Variants in HS3ST4 observed in about 807,000 individuals in gnomAD.
The protein encoded by HS3ST4 is heparan sulfate-glucosamine 3-sulfotransferase 4, also known as heparan sulfate glucosamine 3-O-sulfotransferase 4.
In HS3ST4, 17 loss-of-function variants were observed where a neutral mutation model predicts 29.2. The observed-to-expected ratio is 0.58, with a 90% CI of 0.40 to 0.87. The LOEUF is 0.87. Among genes scored for constraint, HS3ST4 ranks in the 40% least tolerant of loss-of-function variants. The probability of loss-of-function intolerance (pLI) is 0.00; values close to 1 mark genes in which losing one functional copy is unlikely to be tolerated. For synonymous variants in HS3ST4, 314 were observed against 285.7 expected (o/e 1.10, Z -1.00); for missense variants, 627 against 634.5 (o/e 0.99, Z 0.13).
chr16:26,109,506 T>G (rs1011682734), intron 1 of HS3ST4, among the ~76,000 whole-genome samples: 4 of 151,514 alleles, frequency 2.6e-5, no homozygotes, highest in Non-Finnish European at 5.9e-5. Flanking sequence ...TGACAGTGTA[T>G]CAAGGACCTG....
At chr16:25,701,222 T>G (rs1371996188) in intron 1 of HS3ST4, among the ~76,000 whole-genome samples, 1 of 152,222 alleles carries the variant, frequency 6.6e-6, no homozygotes, top group Non-Finnish European at 1.5e-5. Flanking sequence ...TTAATCTTTT[T>G]GGAAACAGTT....
chr16:25,929,107 G>A (rs552515867), intron 1 of HS3ST4, among the ~76,000 whole-genome samples: 15 of 152,300 alleles, frequency 9.8e-5, no homozygotes, highest in African/African-American at 2.9e-4. Context: ...CAGGTGGACC[G>A]GCGTGGGGGC....
intron 1 of HS3ST4, among the ~76,000 whole-genome samples, chr16:25,833,894 T>C (rs138314407): frequency 2.0e-5 from 3 of 152,292 alleles, no homozygotes; most frequent in African/African-American, 7.2e-5. Context: ...ATAAGAATGT[T>C]GTAGGAGAAT....
chr16:26,074,361 G>A (rs1898635637), intron 1 of HS3ST4, among the ~76,000 whole-genome samples: 1 of 152,292 alleles, frequency 6.6e-6, no homozygotes, highest in South Asian at 2.1e-4. Flanking sequence ...AAACTAGGCA[G>A]GGACCTTGTG....
intron 1 of HS3ST4, among the ~76,000 whole-genome samples, chr16:26,049,358 C>T (rs140125161): frequency 1.0e-4 from 15 of 150,458 alleles, no homozygotes; most frequent in African/African-American, 3.4e-4. Context: ...GGTCTACATC[C>T]GGAGGTCTAC....
At chr16:26,123,477 T>G (rs904856734) in intron 1 of HS3ST4, among the ~76,000 whole-genome samples, 1 of 152,200 alleles carries the variant, frequency 6.6e-6, no homozygotes, top group Non-Finnish European at 1.5e-5. Flanking sequence ...TCCTAAGAGA[T>G]AACGAGAGAC....
At chr16:25,909,050 G>C (rs1968208793) in intron 1 of HS3ST4, among the ~76,000 whole-genome samples, 1 of 152,166 alleles carries the variant, frequency 6.6e-6, no homozygotes, top group African/African-American at 2.4e-5. Flanking sequence ...ATTCTGCCCT[G>C]GTCAGGATTT....
chr16:26,120,052 A>AGTGTGT (rs35643541), intron 1 of HS3ST4, among the ~76,000 whole-genome samples: 1,840 of 131,488 alleles, frequency 0.014, 31 homozygotes, highest in African/African-American at 0.042. Flanking sequence ...AGCTGAAGGA[A>AGTGTGT]GTGTGTGTGT....
At chr16:25,971,170 C>A (rs1021921126) in intron 1 of HS3ST4, among the ~76,000 whole-genome samples, 1 of 152,080 alleles carries the variant, frequency 6.6e-6, no homozygotes, top group Non-Finnish European at 1.5e-5. Flanking sequence ...CTTTCTATGA[C>A]AAACAATCCC....
intron 1 of HS3ST4, among the ~76,000 whole-genome samples, chr16:25,780,189 C>G (rs1312393850): frequency 1.3e-5 from 2 of 152,148 alleles, no homozygotes; most frequent in Non-Finnish European, 2.9e-5. Context: ...GCCTCTGGGC[C>G]CTGGCTCTTG....
In HS3ST4 at chr16:26,136,147, G is replaced by A; in HGVS notation, c.1270G>A (p.Val424Ile). 1 of 1,613,376 alleles carries A rather than the reference G, an allele frequency of 6.2e-7. No homozygotes were observed. The highest frequency in any genetic ancestry group is 1.1e-5 in the South Asian group (1 of 90,936). ...GRTHPRIDPD[V>I]IHRLRKFYKP... ...GACTCATCCTCGCATTGACCCAGAT[G>A]TCATCCACAGACTGAGGAAATTCTA... The change falls in exon 2 of 2, where the codon GTC becomes ATC. Residue 424 changes from valine (V) to isoleucine (I), a missense_variant. Val to Ile is a conservative substitution (Grantham distance 29, BLOSUM62 3). Transcript: ENST00000331351.
At chr16:26,077,079 GC>G (rs1431311500) in intron 1 of HS3ST4, among the ~76,000 whole-genome samples, 2 of 152,146 alleles carry the variant, frequency 1.3e-5, no homozygotes, top group Non-Finnish European at 2.9e-5. Flanking sequence ...GTTCATTCAT[GC>G]AGCTGCAGTC....
intron 1 of HS3ST4, among the ~76,000 whole-genome samples, chr16:25,728,406 CTTA>C (rs1966550913): frequency 6.6e-6 from 1 of 152,160 alleles, no homozygotes; most frequent in African/African-American, 2.4e-5. Flanking sequence ...CTTCTCTGTG[CTTA>C]TTATTTTGAT....
intron 1 of HS3ST4, among the ~76,000 whole-genome samples, chr16:25,857,624 T>A (rs1967586637): frequency 6.6e-6 from 1 of 152,324 alleles, no homozygotes; most frequent in East Asian, 1.9e-4. Flanking sequence ...TTTTTAGTTT[T>A]AGGGCTTTCT....
chr16:25,958,438 T>G lies in HS3ST4; in HGVS notation c.735-177174T>G, dbSNP rs532708458. Among the ~76,000 whole-genome samples, 227 of 152,182 alleles carry G rather than the reference T, an allele frequency of 1.5e-3. 1 individual carries two copies. The highest frequency in any genetic ancestry group is 2.7e-3 in the Non-Finnish European group (183 of 68,002). On this transcript the variant is annotated intron_variant, in intron 1 of 1. Transcript: ENST00000331351. The stretch of plus-strand genomic sequence containing the variant: ...CCTCTGCCTCCTGAATTCAAGTGAT[T>G]CTCCACCTCAGCCTCCCGAGTAGCT...
intron 1 of HS3ST4, among the ~76,000 whole-genome samples, chr16:25,839,946 G>A (rs758541472): frequency 1.3e-5 from 2 of 152,184 alleles, no homozygotes; most frequent in Admixed American, 6.6e-5. Context: ...GAAAGTATAG[G>A]CCGAGAAGAA....
At chr16:25,723,617 G>T (rs1966511252) in intron 1 of HS3ST4, among the ~76,000 whole-genome samples, 1 of 152,104 alleles carries the variant, frequency 6.6e-6, no homozygotes, top group African/African-American at 2.4e-5. Flanking sequence ...CTGAAAGAAT[G>T]GATTTGTCCA....
At chr16:25,857,923 T>C (rs12935842) in intron 1 of HS3ST4, among the ~76,000 whole-genome samples, 1,064 of 27,060 alleles carry the variant, frequency 0.039, 6 homozygotes, top group Non-Finnish European at 0.043. Flanking sequence ...TTCCTTCCTT[T>C]CTTTCTTTCT....
chr16:25,978,979 C>A (rs1567286042), intron 1 of HS3ST4, among the ~76,000 whole-genome samples: 3 of 141,692 alleles, frequency 2.1e-5, no homozygotes, highest in Admixed American at 7.6e-5. Flanking sequence ...CTCTCTGCAA[C>A]CTCCACCTCC....
Sources: allele counts gnomAD v4.1 joint callset (sites outside exome capture counted in the v4.1 genomes callset), GRCh38; gene constraint gnomAD v4.1.1; transcripts MANE v1.5; gene names NCBI Gene and HGNC (gene_info 2026-07-23, HGNC 2026-07-21).